Variants in CACNA1C observed in about 807,000 individuals in gnomAD.
The protein encoded by CACNA1C is calcium voltage-gated channel subunit alpha1 C, also known as voltage-dependent L-type calcium channel subunit alpha-1C.
Under a neutral mutation model 229.0 loss-of-function variants are expected in CACNA1C, and 30 were observed. The observed-to-expected ratio is 0.13, with a 90% CI of 0.10 to 0.18. The LOEUF is 0.18. Ranked by LOEUF, CACNA1C falls within the 10% of genes least tolerant of loss-of-function variation. The pLI is 1.00. For synonymous variants in CACNA1C, 1,114 were observed against 1,132.5 expected (o/e 0.98, Z 0.33); for missense variants, 1,658 against 2,845.0 (o/e 0.58, Z 9.49).
chr12:2,110,642 A>T (rs1345953426), intron 1 of CACNA1C, among the ~76,000 whole-genome samples: 1 of 152,116 alleles, frequency 6.6e-6, no homozygotes, highest in Non-Finnish European at 1.5e-5. Flanking sequence ...TGAGCCAGAG[A>T]TGGGGATTTT....
chr12:2,338,929 T>G (rs2096780972), intron 3 of CACNA1C, among the ~76,000 whole-genome samples: 1 of 152,238 alleles, frequency 6.6e-6, no homozygotes, highest in South Asian at 2.1e-4. Context: ...TATCTTATTA[T>G]GAGTTACAGA....
chr12:2,450,436 C>T (rs564612935), intron 4 of CACNA1C, among the ~76,000 whole-genome samples: 53 of 151,268 alleles, frequency 3.5e-4, no homozygotes, highest in Non-Finnish European at 5.2e-4. Flanking sequence ...CGCCTGTAGT[C>T]CCAGCTACTC....
At chr12:2,356,294 T>C (rs2097360492) in intron 3 of CACNA1C, among the ~76,000 whole-genome samples, 1 of 152,224 alleles carries the variant, frequency 6.6e-6, no homozygotes, top group Non-Finnish European at 1.5e-5. Context: ...ATGACACAAG[T>C]AACTCTCTGA....
chr12:2,523,582 C>CG (rs57310851), intron 9 of CACNA1C, among the ~76,000 whole-genome samples: 8,609 of 152,080 alleles, frequency 0.057, 805 homozygotes, highest in African/African-American at 0.2. Flanking sequence ...TATGGGGCCC[C>CG]GGGGGGGATC....
chr12:1,988,206 C>T (rs927968104), intron 1 of CACNA1C, among the ~76,000 whole-genome samples: 4 of 152,204 alleles, frequency 2.6e-5, no homozygotes, highest in Non-Finnish European at 4.4e-5. Flanking sequence ...CTACAAGCTA[C>T]GTGTCCATCA....
At chr12:2,322,504 G>A (rs2096059370) in intron 3 of CACNA1C, among the ~76,000 whole-genome samples, 1 of 152,162 alleles carries the variant, frequency 6.6e-6, no homozygotes, top group African/African-American at 2.4e-5. Context: ...TGCACGATCT[G>A]CAGGCTCAGA....
At chr12:2,017,994 A>G (rs2045691598) in intron 1 of CACNA1C, among the ~76,000 whole-genome samples, 1 of 152,226 alleles carries the variant, frequency 6.6e-6, no homozygotes, top group African/African-American at 2.4e-5. Context: ...AAAACCTTTG[A>G]AAACATAAAA....
At chr12:2,626,039 G>A (rs1339624376) in intron 29 of CACNA1C, among the ~76,000 whole-genome samples, 1 of 152,246 alleles carries the variant, frequency 6.6e-6, no homozygotes, top group Non-Finnish European at 1.5e-5. Context: ...CTGAGGCACA[G>A]AGAAGTTAGG....
rs958255592 is a variant in CACNA1C at position 2,595,035 on chromosome 12, A to G, written c.2664-839A>G. On this transcript the variant is annotated intron_variant, in intron 19 of 46. Transcript: ENST00000399655. The surrounding 1 kb of genome is among the most constrained non-coding windows in gnomAD (Gnocchi z 4.1). The stretch of plus-strand genomic sequence containing the variant: ...GGGAGGGGTTGTTGGTTTGAAGCAG[A>G]TGATTCTTACAGCCATCTCCTAACT... Among the ~76,000 whole-genome samples, 2 of 152,200 alleles carry G rather than the reference A, an allele frequency of 1.3e-5. No individual in the cohort carries two copies. Among genetic ancestry groups the G allele is most frequent in the Non-Finnish European group, 2.9e-5 (2 of 68,044 alleles).
intron 3 of CACNA1C, among the ~76,000 whole-genome samples, chr12:2,353,540 G>A (rs991797573): frequency 9.9e-5 from 15 of 152,216 alleles, no homozygotes; most frequent in South Asian, 4.1e-4. Flanking sequence ...AGAGGGAGAC[G>A]TGGAGGGTCT....
At chr12:2,560,848 T>TAAAAAAAAAAAAAAAAAAA (rs36012443) in intron 11 of CACNA1C, among the ~76,000 whole-genome samples, 2 of 113,094 alleles carry the variant, frequency 1.8e-5, no homozygotes, top group African/African-American at 6.9e-5. Context: ...TTGGTTCTGG[T>TAAAAAAAAAAAAAAAAAAA]AAAAAAAAAA....
intron 3 of CACNA1C, among the ~76,000 whole-genome samples, chr12:2,135,616 C>CTCGGGGG (rs1329809889): frequency 7.2e-6 from 1 of 138,676 alleles, no homozygotes; most frequent in Non-Finnish European, 1.5e-5. Context: ...AGTTAGGCTG[C>CTCGGGGG]TCAGGGGTCA....
intron 3 of CACNA1C, among the ~76,000 whole-genome samples, chr12:2,312,351 C>T (rs183249956): frequency 9.8e-4 from 149 of 152,248 alleles, no homozygotes; most frequent in African/African-American, 3.1e-3. Context: ...TGTGCACATG[C>T]GAGCTGTTCT....
intron 1 of CACNA1C, among the ~76,000 whole-genome samples, chr12:2,071,004 TTC>T (rs541983557): frequency 8.6e-4 from 103 of 120,294 alleles, no homozygotes; most frequent in African/African-American, 2.9e-3. Context: ...CCTTCCTTCC[TTC>T]TCTTTCTCCT....
At chr12:2,330,196 G>A (rs995650097) in intron 3 of CACNA1C, among the ~76,000 whole-genome samples, 1 of 152,126 alleles carries the variant, frequency 6.6e-6, no homozygotes, top group African/African-American at 2.4e-5. Context: ...ATCTCATAGA[G>A]GAATTTGCCT....
At chr12:2,519,528 G>A (rs1243899979) in intron 9 of CACNA1C, among the ~76,000 whole-genome samples, 2 of 152,174 alleles carry the variant, frequency 1.3e-5, no homozygotes, top group Non-Finnish European at 2.9e-5. Context: ...ACTCTTGGAA[G>A]GCACCATTTG....
At position 2,078,308 on chromosome 12, in the gene CACNA1C, A is replaced by G. The variant is rs543551198; in HGVS notation, c.49+24697A>G. On this transcript the variant is annotated intron_variant, in intron 1 of 46. Coordinates refer to ENST00000399655, the MANE Select transcript of CACNA1C (RefSeq NM_000719.7). The stretch of plus-strand genomic sequence containing the variant: ...CCAGCCTCTAGAACTGTGAGGAAAT[A>G]AATTTTTGTTTCTTAAGCCGGCTAG... 3.3e-5 allele frequency among the ~76,000 whole-genome samples: 5 copies of G among 152,340 alleles called. No homozygotes were observed. In the South Asian group the frequency reaches 8.3e-4, roughly 25 times the overall value.
chr12:2,201,683 TAAC>T (rs2154319989), intron 3 of CACNA1C, among the ~76,000 whole-genome samples: 1 of 152,358 alleles, frequency 6.6e-6, no homozygotes, highest in Admixed American at 6.5e-5. Flanking sequence ...CTCATGACCC[TAAC>T]AACAAGTTAC....
At chr12:2,485,866 C>T (rs2099695572) in intron 5 of CACNA1C, among the ~76,000 whole-genome samples, 1 of 152,208 alleles carries the variant, frequency 6.6e-6, no homozygotes, top group Admixed American at 6.5e-5. Flanking sequence ...CTTGGAAGTA[C>T]AGCAGCTGCC....
Sources: gnomAD v4.1 joint callset for allele counts (sites outside exome capture counted in the v4.1 genomes callset) on GRCh38, gnomAD v4.1.1 for gene constraint, Gnocchi (gnomAD v3.1) non-coding constraint, MANE v1.5 for transcripts, NCBI Gene and HGNC (gene_info 2026-07-23, HGNC 2026-07-21) for gene names.